The following SPTB variants were observed in gnomAD, a reference collection of about 807,000 sequenced individuals.
SPTB encodes spectrin beta chain, erythrocytic.
SPTB carries 45 observed loss-of-function variants against 256.2 expected under a neutral mutation model. The observed-to-expected ratio is 0.18, with a 90% confidence interval of 0.14 to 0.23. The LOEUF is 0.23. Ranked by LOEUF, SPTB falls within the 10% of genes least tolerant of loss-of-function variation. SPTB has a pLI of 1.00. For missense variants in SPTB, 2,715 were observed against 3,040.4 expected (o/e 0.89, Z 2.52); for synonymous variants, 1,231 against 1,243.1 (o/e 0.99, Z 0.21).
At chr14:64,783,440 G>C (rs1438739469) in intron 19 of SPTB, among the ~76,000 whole-genome samples, 1 of 152,142 alleles carries the variant, frequency 6.6e-6, no homozygotes, top group East Asian at 1.9e-4. Flanking sequence ...GACCTCAGGT[G>C]ATCCGCCCAC....
rs368413713 is a variant in SPTB at position 64,873,091 on chromosome 14, T to C, written c.-52+6701A>G. Among the ~76,000 whole-genome samples, 16 of 152,328 alleles carry C rather than the reference T, an allele frequency of 1.1e-4. No individual in the cohort carries two copies. The South Asian group carries it at 3.3e-3, about 32-fold the overall frequency. Reference sequence around the variant, plus strand: ...CACTTCATTTGAGTCTCAGCCCAAATGAAGCCCCATCAGATAGTGTTTTCC... The same window carrying C: ...CACTTCATTTGAGTCTCAGCCCAAACGAAGCCCCATCAGATAGTGTTTTCC... On this transcript the variant is annotated intron_variant, in intron 1 of 35. Transcript: ENST00000644917. This position sits in a 1 kb window ranked among gnomAD's most constrained non-coding sequence, Gnocchi z 4.3.
chr14:64,791,626 A>G, intron 15 of SPTB, 93 bp downstream of exon 15: 1 of 1,283,786 alleles, frequency 7.8e-7, no homozygotes, highest in Non-Finnish European at 1.1e-6. Flanking sequence ...GTGTTGGTGC[A>G]TACTAGGTGG....
At chr14:64,868,917 AT>A (rs1882354999) in intron 1 of SPTB, among the ~76,000 whole-genome samples, 1 of 152,190 alleles carries the variant, frequency 6.6e-6, no homozygotes, top group South Asian at 2.1e-4. Flanking sequence ...TTAAAAGCTA[AT>A]AAGGGGATTC....
rs1408422452 is a variant in SPTB at position 64,779,762 on chromosome 14, G to A, written c.4436C>T (p.Ala1479Val). The A allele has an allele frequency of 2.1e-5, 34 of 1,614,138 alleles. No individual in the cohort carries two copies. The highest frequency in any genetic ancestry group is 2.8e-5 in the Non-Finnish European group (33 of 1,180,032). The change falls in exon 21 of 36, where the codon GCC (alanine) becomes GTC (valine). Residue 1479 changes from alanine to valine, a missense_variant. Physicochemically the swap from Ala to Val is moderately conservative, Grantham distance 64. Coordinates refer to ENST00000644917, the MANE Select transcript of SPTB (RefSeq NM_001355436.2). The surrounding 1 kb of genome is among the most constrained non-coding windows in gnomAD (Gnocchi z 4.2). ...TAAGTCCCGGCTGATCTGCAGCTTG[G>A]CTCTGGATGATTCCAGCTGCTTCTT... ...RRKKQLESSR[A>V]KLQISRDLED...
At chr14:64,878,827 CAG>C (rs1566816486) in intron 1 of SPTB, among the ~76,000 whole-genome samples, 1 of 144,372 alleles carries the variant, frequency 6.9e-6, no homozygotes, top group Non-Finnish European at 1.5e-5. Flanking sequence ...GTACAAAAAA[CAG>C]TGGCTTCTTT....
At chr14:64,794,426 G>C in intron 13 of SPTB, 41 bp downstream of exon 13, 1 of 1,613,062 alleles carries the variant, frequency 6.2e-7, no homozygotes, top group Non-Finnish European at 8.5e-7. Flanking sequence ...GTGAGGCTCT[G>C]GCATTGGAAG....
intron 1 of SPTB, among the ~76,000 whole-genome samples, chr14:64,868,851 A>T (rs1312329154): frequency 1.3e-5 from 2 of 152,210 alleles, no homozygotes; most frequent in Non-Finnish European, 2.9e-5. Flanking sequence ...TAGCATCTCC[A>T]TCCTTAGATG....
intron 9 of SPTB, among the ~76,000 whole-genome samples, chr14:64,798,988 T>G (rs1322969790): frequency 6.6e-6 from 1 of 152,236 alleles, no homozygotes; most frequent in African/African-American, 2.4e-5. Context: ...CATGGTTGTA[T>G]ATATGTATGT....
chr14:64,757,719 G>A (rs1480951586), intron 32 of SPTB, among the ~76,000 whole-genome samples: 1 of 152,090 alleles, frequency 6.6e-6, no homozygotes, highest in Non-Finnish European at 1.5e-5. Context: ...AAGGGGCTTT[G>A]GGGACAATCC....
intron 1 of SPTB, among the ~76,000 whole-genome samples, chr14:64,875,946 A>C (rs1297450228): frequency 6.6e-6 from 1 of 152,154 alleles, no homozygotes; most frequent in East Asian, 1.9e-4. Flanking sequence ...CATAACAAAG[A>C]AACATATTTT....
Position 64,853,693 on chromosome 14 carries a change from A to G in SPTB, c.-52+26099T>C. Among the ~76,000 whole-genome samples the G allele has an allele frequency of 6.6e-6, 1 of 152,124 alleles. No homozygotes were observed. The highest frequency in any genetic ancestry group is 1.9e-4 in the East Asian group (1 of 5,194). Reference sequence around the variant, plus strand: ...CCAAGGGACAGTTGTATTCAATGGGAAAGACCTGAACTTATCTATAGGCAA... The same window carrying G: ...CCAAGGGACAGTTGTATTCAATGGGGAAGACCTGAACTTATCTATAGGCAA... On this transcript the variant is annotated intron_variant, in intron 1 of 35. Coordinates refer to ENST00000644917, the MANE Select transcript of SPTB (RefSeq NM_001355436.2). The surrounding 1 kb of genome is among the most constrained non-coding windows in gnomAD (Gnocchi z 4.3).
At chr14:64,846,341 T>C (rs2083692302) in intron 1 of SPTB, among the ~76,000 whole-genome samples, 2 of 152,300 alleles carry the variant, frequency 1.3e-5, no homozygotes, top group South Asian at 4.1e-4. Flanking sequence ...GGGTTATATA[T>C]TATATAGGCT....
At position 64,825,598 on chromosome 14, in the gene SPTB, C is replaced by T. The variant is rs12587480; in HGVS notation, c.-51-2453G>A. On this transcript the variant is annotated intron_variant, in intron 1 of 35. Coordinates refer to ENST00000644917, the MANE Select transcript of SPTB (RefSeq NM_001355436.2). The surrounding 1 kb of genome is among the most constrained non-coding windows in gnomAD (Gnocchi z 4.8). Reference sequence around the variant, plus strand: ...CCCTGAGAAGGGCTGAGCTGCCAGACGCAGGAGGTGAGGTGAGATCAGACC... The same window carrying T: ...CCCTGAGAAGGGCTGAGCTGCCAGATGCAGGAGGTGAGGTGAGATCAGACC... Among the ~76,000 whole-genome samples the T allele has an allele frequency of 2.6e-5, 4 of 152,234 alleles. No individual in the cohort carries two copies. Among genetic ancestry groups the T allele is most frequent in the Middle Eastern group, 6.8e-3 (2 of 294 alleles).
intron 32 of SPTB, among the ~76,000 whole-genome samples, chr14:64,763,463 C>T (rs1415283156): frequency 2.0e-5 from 3 of 152,228 alleles, no homozygotes; most frequent in Admixed American, 1.3e-4. Context: ...CAGCCAGGTA[C>T]CACAGCACTA....
At position 64,847,475 on chromosome 14, in the gene SPTB, TTATC is replaced by T. The variant is rs2083711351; in HGVS notation, c.-51-24334_-51-24331del. Among the ~76,000 whole-genome samples, 1 of 151,434 alleles carries T rather than the reference TTATC, an allele frequency of 6.6e-6. No individual in the cohort carries two copies. The highest frequency in any genetic ancestry group is 1.5e-5 in the Non-Finnish European group (1 of 67,796). On this transcript the variant is annotated intron_variant, in intron 1 of 35. Transcript: ENST00000644917. The surrounding 1 kb of genome is among the most constrained non-coding windows in gnomAD (Gnocchi z 5.9). Reference sequence around the variant, plus strand: ...GGTAGACGTGTAGGGAAAAGCCTATTTATCTATCCTTCAGGTACCTTCCCAGGTT... The same window carrying T: ...GGTAGACGTGTAGGGAAAAGCCTATTTATCCTTCAGGTACCTTCCCAGGTT...
intron 33 of SPTB, among the ~76,000 whole-genome samples, chr14:64,751,047 ATAT>A (rs1440102808): frequency 6.9e-6 from 1 of 144,354 alleles, no homozygotes; most frequent in Non-Finnish European, 1.5e-5. Flanking sequence ...TAGCAATTAT[ATAT>A]TATATAATAT....
chr14:64,867,289 C>T (rs1400284792), intron 1 of SPTB, among the ~76,000 whole-genome samples: 1 of 152,170 alleles, frequency 6.6e-6, no homozygotes, highest in Non-Finnish European at 1.5e-5. Context: ...CCCTCTATCA[C>T]CCAATTCAAC....
At chr14:64,801,574 G>A (rs1281750446) in intron 6 of SPTB, among the ~76,000 whole-genome samples, 174 bp from the exon 7 acceptor site, 1 of 152,130 alleles carries the variant, frequency 6.6e-6, no homozygotes, top group African/African-American at 2.4e-5. Context: ...GCATATGAGG[G>A]AAGTGGGCGG....
intron 2 of SPTB, among the ~76,000 whole-genome samples, chr14:64,815,287 ATCTCCCATGAAGCGCG>A (rs1594806755): frequency 1.3e-5 from 2 of 150,766 alleles, no homozygotes; most frequent in East Asian, 3.9e-4. Context: ...TGAAGCGGGC[ATCTCCCATGAAGCGCG>A]AAGGAGCATG....
Sources: allele counts gnomAD v4.1 joint callset (sites outside exome capture counted in the v4.1 genomes callset), GRCh38; gene constraint gnomAD v4.1.1; non-coding constraint Gnocchi (gnomAD v3.1); transcripts MANE v1.5; gene names NCBI Gene and HGNC (gene_info 2026-07-23, HGNC 2026-07-21).